Variants in TRPM3 observed in about 807,000 individuals in gnomAD.
TRPM3 encodes the protein long transient receptor potential channel 3.
TRPM3 carries 77 observed loss-of-function variants against 181.2 expected under a neutral mutation model. The observed-to-expected ratio is 0.42, with a 90% CI of 0.35 to 0.51. The LOEUF is 0.51. TRPM3 is among the 20% of genes least tolerant of loss of function. The pLI is 0.01. For missense variants in TRPM3, 1,759 were observed against 2,196.7 expected, an observed-to-expected ratio of 0.80 and a Z score of 3.98; for synonymous variants, 745 against 796.4, an observed-to-expected ratio of 0.94 and a Z score of 1.09.
intron 8 of TRPM3, among the ~76,000 whole-genome samples, chr9:70,756,519 C>T (rs2077112610): frequency 6.6e-6 from 1 of 152,238 alleles, no homozygotes; most frequent in East Asian, 1.9e-4. Context: ...GAACTTTCCA[C>T]CCCAAATCAA....
At chr9:71,229,967 G>A (rs559714527) in intron 1 of TRPM3, among the ~76,000 whole-genome samples, 1 of 152,096 alleles carries the variant, frequency 6.6e-6, no homozygotes, top group East Asian at 1.9e-4. Context: ...AAAAGAGATA[G>A]CTGCACTCCC....
At chr9:71,292,548 TA>T (rs1181300540) in intron 1 of TRPM3, among the ~76,000 whole-genome samples, 1 of 151,938 alleles carries the variant, frequency 6.6e-6, no homozygotes, top group Admixed American at 6.6e-5. Flanking sequence ...TGTGAATTAT[TA>T]AAAGTGACTT....
intron 1 of TRPM3, among the ~76,000 whole-genome samples, chr9:71,362,531 A>G (rs1203939467): frequency 6.6e-6 from 1 of 152,214 alleles, no homozygotes; most frequent in African/African-American, 2.4e-5. Flanking sequence ...CTATTATCCA[A>G]TTAAAGCATA....
chr9:71,014,886 T>C (rs2097772117), intron 1 of TRPM3, among the ~76,000 whole-genome samples: 1 of 152,186 alleles, frequency 6.6e-6, no homozygotes, highest in South Asian at 2.1e-4. Flanking sequence ...TTTTATGCTA[T>C]ACTTATTGGT....
intron 1 of TRPM3, among the ~76,000 whole-genome samples, chr9:70,975,407 T>C (rs1470621921): frequency 1.3e-5 from 2 of 152,222 alleles, no homozygotes; most frequent in African/African-American, 4.8e-5. Context: ...AAGACCTCCA[T>C]GTGACTCTTG....
chr9:71,228,805 A>G (rs185497867), intron 1 of TRPM3, among the ~76,000 whole-genome samples: 1 of 152,314 alleles, frequency 6.6e-6, no homozygotes, highest in East Asian at 1.9e-4. Context: ...CATTTGGTGA[A>G]AGAAATTGAA....
At chr9:71,089,569 A>G (rs1429812547) in intron 1 of TRPM3, among the ~76,000 whole-genome samples, 2 of 150,922 alleles carry the variant, frequency 1.3e-5, no homozygotes, top group Non-Finnish European at 2.9e-5. Flanking sequence ...TTGGACAATG[A>G]TGTGAAAAAA....
chr9:70,616,180 G>A, intron 17 of TRPM3, 105 bp from the exon 18 acceptor site: 1 of 821,094 alleles, frequency 1.2e-6, no homozygotes, highest in Non-Finnish European at 1.8e-6. Context: ...AAGAGTGTAT[G>A]CGTGTGTGTG....
At chr9:70,742,371 G>A (rs1174493476) in intron 8 of TRPM3, among the ~76,000 whole-genome samples, 1 of 151,954 alleles carries the variant, frequency 6.6e-6, no homozygotes, top group Non-Finnish European at 1.5e-5. Context: ...TATATATAAT[G>A]TATAGTGATC....
At chr9:70,797,772 G>T (rs1240697610) in intron 6 of TRPM3, among the ~76,000 whole-genome samples, 16 of 152,144 alleles carry the variant, frequency 1.1e-4, no homozygotes, top group Admixed American at 1.0e-3. Flanking sequence ...GCCTGGCTCT[G>T]CTTCTTCTTG....
intron 6 of TRPM3, among the ~76,000 whole-genome samples, chr9:70,820,508 C>A (rs1034762367): frequency 9.9e-5 from 15 of 152,126 alleles, no homozygotes; most frequent in Non-Finnish European, 1.3e-4. Context: ...GGATCACAGG[C>A]GTAAGCCATT....
chr9:71,215,303 C>T (rs1005550062), intron 1 of TRPM3, among the ~76,000 whole-genome samples: 2 of 152,108 alleles, frequency 1.3e-5, no homozygotes, highest in African/African-American at 2.4e-5. Flanking sequence ...GCAAAACATG[C>T]AAATAAGCCA....
At chr9:70,781,988 GAAAA>G (rs1252612473) in intron 7 of TRPM3, among the ~76,000 whole-genome samples, 1 of 150,760 alleles carries the variant, frequency 6.6e-6, no homozygotes, top group Non-Finnish European at 1.5e-5. Context: ...TGAGTTTTCT[GAAAA>G]AACAAACAAA....
intron 1 of TRPM3, among the ~76,000 whole-genome samples, chr9:71,316,496 T>A (rs942762092): frequency 6.6e-6 from 1 of 152,194 alleles, no homozygotes; most frequent in East Asian, 1.9e-4. Flanking sequence ...TCTTGAACTA[T>A]GCAGGTGGGC....
At chr9:70,678,278 C>T (rs995370122) in intron 9 of TRPM3, among the ~76,000 whole-genome samples, 16 of 151,936 alleles carry the variant, frequency 1.1e-4, no homozygotes, top group African/African-American at 3.9e-4. Flanking sequence ...TCTTTCTTTT[C>T]TTTTTTTTGG....
At chr9:71,122,550 A>G (rs992426546), upstream of TRPM3, among the ~76,000 whole-genome samples, 2 of 152,104 alleles carry the variant, frequency 1.3e-5, no homozygotes, top group Non-Finnish European at 2.9e-5. Context: ...GACCATGCTG[A>G]TTTTCCATTT....
intron 1 of TRPM3, among the ~76,000 whole-genome samples, chr9:71,316,844 A>G (rs748427794): frequency 6.6e-6 from 1 of 152,156 alleles, no homozygotes; most frequent in Non-Finnish European, 1.5e-5. Flanking sequence ...GATATCACTC[A>G]TAAGAATTAA....
At chr9:71,177,626 T>C (rs1420154837) in intron 1 of TRPM3, among the ~76,000 whole-genome samples, 2 of 55,304 alleles carry the variant, frequency 3.6e-5, no homozygotes, top group Non-Finnish European at 8.4e-5. Context: ...ATTCATGTAT[T>C]AGGAAAACCT....
At chr9:71,420,831 A>AGAGAGAG (rs2093739971) in intron 1 of TRPM3, among the ~76,000 whole-genome samples, 2 of 12,472 alleles carry the variant, frequency 1.6e-4, no homozygotes, top group East Asian at 2.4e-3. Flanking sequence ...AAGAGAGGGA[A>AGAGAGAG]AGAAAGAGAG....
Sources: allele counts gnomAD v4.1 joint callset (sites outside exome capture counted in the v4.1 genomes callset), GRCh38; gene constraint gnomAD v4.1.1; transcripts MANE v1.5; gene names NCBI Gene and HGNC (gene_info 2026-07-23, HGNC 2026-07-21).